Variants in RBFOX2 observed in about 807,000 individuals in gnomAD.
The protein encoded by RBFOX2 is RNA binding fox-1 homolog 2, also known as RNA binding protein fox-1 homolog 2.
Under a neutral mutation model 49.1 loss-of-function variants are expected in RBFOX2, and 10 were observed. The ratio of observed to expected loss-of-function variants is 0.20; its 90% CI spans 0.13 to 0.35. The LOEUF (loss-of-function observed/expected upper bound fraction) is 0.35, where lower values mean the gene tolerates loss of function less well. Among genes scored for constraint, RBFOX2 ranks in the 10% least tolerant of loss-of-function variants. The pLI is 1.00. For missense variants in RBFOX2, 323 were observed against 486.9 expected (o/e 0.66, Z 3.17); for synonymous variants, 183 against 187.4 (o/e 0.98, Z 0.19).
chr22:35,810,066 A>G, intron 1 of RBFOX2, 62 bp from the exon 3 acceptor site: 1 of 1,510,090 alleles, frequency 6.6e-7, no homozygotes, highest in Non-Finnish European at 9.1e-7. Flanking sequence ...AACTATTTTT[A>G]AAGTGAGTAT....
chr22:35,925,039 A>T (rs1603449304), intron 1 of RBFOX2, among the ~76,000 whole-genome samples: 2 of 151,456 alleles, frequency 1.3e-5, no homozygotes, highest in African/African-American at 2.4e-5. Context: ...TATATATATA[A>T]AAGTTAGCCA....
rs565155413 is a variant in RBFOX2 at position 35,827,126 on chromosome 22, T to C, written c.27+13066A>G. On this transcript the variant is annotated intron_variant, in intron 1 of 11. Coordinates refer to ENST00000405409, the Ensembl canonical transcript of RBFOX2. ...ATGTGTTGCCATTGAAATCTGTAGA[T>C]AATCTGATTATCATTTAAATAGCAA... is the stretch of plus-strand genomic sequence containing the variant. 8.5e-5 allele frequency among the ~76,000 whole-genome samples: 13 copies of C among 152,322 alleles called. No individual in the cohort carries two copies. In the South Asian group the frequency reaches 2.5e-3, roughly 29 times the overall value.
chr22:35,780,872 T>G (rs1327040107), intron 3 of RBFOX2, among the ~76,000 whole-genome samples: 1 of 152,228 alleles, frequency 6.6e-6, no homozygotes, highest in Admixed American at 6.5e-5. Flanking sequence ...ACCTGTATTC[T>G]CTACATTGTG....
At chr22:36,006,087 A>C (rs1238512727) in intron 1 of RBFOX2, among the ~76,000 whole-genome samples, 1 of 152,228 alleles carries the variant, frequency 6.6e-6, no homozygotes, top group Non-Finnish European at 1.5e-5. Flanking sequence ...AAAATGTGCA[A>C]ATATATAGGG....
At chr22:35,836,288 G>T (rs887305755) in intron 1 of RBFOX2, 1 of 152,178 alleles carries the variant, frequency 6.6e-6, no homozygotes, top group African/African-American at 2.4e-5. Flanking sequence ...ACAAAAACAG[G>T]AAAAGAGAAA....
chr22:35,994,401 A>ATTTT (rs2058101579), intron 1 of RBFOX2: 1 of 149,246 alleles, frequency 6.7e-6, no homozygotes, highest in Non-Finnish European at 1.5e-5. Flanking sequence ...TTATTTATTT[A>ATTTT]TTTATTTATT....
intron 2 of RBFOX2, among the ~76,000 whole-genome samples, chr22:35,792,507 T>C (rs999557311): frequency 2.6e-5 from 4 of 152,150 alleles, no homozygotes; most frequent in African/African-American, 9.7e-5. Flanking sequence ...TTGAATAAAA[T>C]AAGATTATGA....
In RBFOX2 at chr22:35,927,838, C is replaced by T. The variant is rs546167822; in HGVS notation, c.-34+11009G>A. 7.9e-5 allele frequency among the ~76,000 whole-genome samples: 12 copies of T among 152,214 alleles called. No individual in the cohort carries two copies. The East Asian group carries it at 2.3e-3, about 29-fold the overall frequency. Reference sequence around the variant, plus strand: ...CAGATTTCATTTCCTTCACAAAGACCTCTTTTTCTTGGAGATGTCCAACAG... The same window carrying T: ...CAGATTTCATTTCCTTCACAAAGACTTCTTTTTCTTGGAGATGTCCAACAG... On this transcript the variant is annotated intron_variant, in intron 1 of 13. Transcript: ENST00000359369.
At chr22:35,775,898 A>T (rs1427485452) in intron 4 of RBFOX2, among the ~76,000 whole-genome samples, 1 of 151,674 alleles carries the variant, frequency 6.6e-6, no homozygotes, top group Non-Finnish European at 1.5e-5. Flanking sequence ...GGTAGCAGGC[A>T]AATCCTTAAA....
rs527428888 is a variant in RBFOX2, at chr22:35,858,071, A to G, written c.-33-48067T>C. ...ACAAGAGTTAAAGAGTTTTCAGAGC[A>G]CTGTTTTAGTAATATGAGTAAAAAG... On this transcript the variant is annotated intron_variant, in intron 1 of 13. Coordinates refer to the RBFOX2 transcript ENST00000359369. Among the ~76,000 whole-genome samples the G allele has an allele frequency of 8.5e-5, 13 of 152,338 alleles. No individual in the cohort carries two copies. In the South Asian group the frequency reaches 2.7e-3, roughly 32 times the overall value.
At chr22:35,992,727 C>T (rs1367672371) in intron 1 of RBFOX2, 1 of 152,160 alleles carries the variant, frequency 6.6e-6, no homozygotes, top group Admixed American at 6.5e-5. Context: ...TTGCCTCTTG[C>T]TTCAGTATAA....
upstream of RBFOX2, among the ~76,000 whole-genome samples, chr22:35,843,556 T>C (rs1277576997): frequency 6.6e-6 from 1 of 152,206 alleles, no homozygotes; most frequent in Non-Finnish European, 1.5e-5. Flanking sequence ...CCAAATTTAA[T>C]GGACATTTTA....
At chr22:35,773,716 G>C (rs1290892166) in intron 4 of RBFOX2, among the ~76,000 whole-genome samples, 4 of 151,972 alleles carry the variant, frequency 2.6e-5, no homozygotes, top group Admixed American at 2.6e-4. Context: ...ATTCAATAGA[G>C]GATATACCAA....
chr22:36,000,213 C>T (rs2058359340), intron 1 of RBFOX2: 1 of 152,104 alleles, frequency 6.6e-6, no homozygotes, highest in South Asian at 2.1e-4. Flanking sequence ...GTTGGCCAGG[C>T]TGGTCTCAAA....
At chr22:35,831,389 C>T (rs559993670) in intron 1 of RBFOX2, among the ~76,000 whole-genome samples, 1 of 152,032 alleles carries the variant, frequency 6.6e-6, no homozygotes, top group East Asian at 1.9e-4. Context: ...TCCGAGATCG[C>T]ACCACTGCAC....
At chr22:35,939,967 C>T (rs1047968662), upstream of RBFOX2, among the ~76,000 whole-genome samples, 4 of 152,208 alleles carry the variant, frequency 2.6e-5, no homozygotes, top group Admixed American at 2.6e-4. Flanking sequence ...TTTCAAAGTG[C>T]TCAACATTGC....
intron 1 of RBFOX2, among the ~76,000 whole-genome samples, chr22:35,944,070 C>T (rs749276002): frequency 2.0e-5 from 3 of 152,316 alleles, no homozygotes; most frequent in South Asian, 2.1e-4. Flanking sequence ...GAATCCTTCA[C>T]TTATTCAGTA....
chr22:35,795,099 C>T (rs536373352), intron 2 of RBFOX2, among the ~76,000 whole-genome samples: 1 of 152,282 alleles, frequency 6.6e-6, no homozygotes, highest in Non-Finnish European at 1.5e-5. Context: ...TGATAGCTTC[C>T]TTATGGATCC....
chr22:35,772,559 G>C (rs1230468972), intron 4 of RBFOX2, among the ~76,000 whole-genome samples: 1 of 152,056 alleles, frequency 6.6e-6, no homozygotes, highest in Non-Finnish European at 1.5e-5. Flanking sequence ...CACTGTGCTG[G>C]GCAATGCAGG....
Sources: gnomAD v4.1 joint callset for allele counts (sites outside exome capture counted in the v4.1 genomes callset) on GRCh38, gnomAD v4.1.1 for gene constraint, MANE v1.5 for transcripts, NCBI Gene and HGNC (gene_info 2026-07-23, HGNC 2026-07-21) for gene names.